Variants in CYSLTR1 observed in about 807,000 individuals in gnomAD.
CYSLTR1 encodes the protein cysteinyl leukotriene receptor 1, also known as G-protein coupled receptor HG55.
CYSLTR1 carries 1 observed loss-of-function variant against 2.1 expected under a neutral mutation model. That is an observed-to-expected ratio of 0.48 (90% CI 0.17 to 2.28). The LOEUF (loss-of-function observed/expected upper bound fraction) is 2.28. CYSLTR1 is among the 30% of genes most tolerant of loss of function. The pLI is 0.26. For missense variants in CYSLTR1, 299 were observed against 250.1 expected (o/e 1.20, Z -1.32); for synonymous variants, 110 against 89.6 (o/e 1.23, Z -1.28).
chrX:78,315,160 C>T (rs185187450), intron 1 of CYSLTR1, among the ~76,000 whole-genome samples: 5 of 108,300 alleles, frequency 4.6e-5, no homozygotes, highest in African/African-American at 6.7e-5. Flanking sequence ...TCTAGACATA[C>T]TCTGAAGGGA....
intron 1 of CYSLTR1, among the ~76,000 whole-genome samples, chrX:78,303,685 T>C (rs930824041): frequency 1.3e-4 from 15 of 112,092 alleles, no homozygotes; most frequent in Non-Finnish European, 2.6e-4. Context: ...ATTTAATTGA[T>C]GTCTTGTCAA....
At chrX:78,277,124 G>A (rs886480907) in intron 2 of CYSLTR1, among the ~76,000 whole-genome samples, 1 of 111,250 alleles carries the variant, frequency 9.0e-6, no homozygotes, top group African/African-American at 3.3e-5. Context: ...GTGGAGCATG[G>A]CCACGGTTAC....
intron 1 of CYSLTR1, among the ~76,000 whole-genome samples, chrX:78,317,774 G>T (rs146132925): frequency 8.9e-6 from 1 of 112,025 alleles, no homozygotes; most frequent in East Asian, 2.8e-4. Context: ...TGGGAGCTAA[G>T]CTATGAGGAT....
chrX:78,290,161 G>T (rs1922259057), intron 1 of CYSLTR1, among the ~76,000 whole-genome samples: 2 of 111,943 alleles, frequency 1.8e-5, no homozygotes, highest in Admixed American at 1.9e-4. Flanking sequence ...AAGGGATCCA[G>T]TTTCAGCTTT....
intron 1 of CYSLTR1, among the ~76,000 whole-genome samples, chrX:78,285,845 T>G (rs181300627): frequency 3.6e-5 from 4 of 112,071 alleles, no homozygotes; most frequent in Non-Finnish European, 7.5e-5. Context: ...CCTTGAGGAC[T>G]CTTGTCTCTG....
Position 78,309,177 on chromosome X carries a change from G to A in CYSLTR1, c.-115+18128C>T, listed in dbSNP as rs142740530. Among the ~76,000 whole-genome samples the A allele has an allele frequency of 4.0e-3, 441 of 111,254 alleles. 1 individual carries two copies. The highest frequency in any genetic ancestry group is 0.014 in the African/African-American group (425 of 30,661). On this transcript the variant is annotated intron_variant, in intron 1 of 2. Coordinates refer to ENST00000373304, the MANE Select transcript of CYSLTR1 (RefSeq NM_006639.4). ...AAGTAGAGCTAGAGAGAGAAGGCGG[G>A]AGAGAGAGAAGAAAAATTGGTATAA...
At chrX:78,300,445 G>C (rs770716285) in intron 1 of CYSLTR1, among the ~76,000 whole-genome samples, 1 of 112,733 alleles carries the variant, frequency 8.9e-6, no homozygotes, top group South Asian at 3.6e-4. Flanking sequence ...TCTTGGGAAG[G>C]CTTTCCAGAT....
intron 1 of CYSLTR1, 53 bp from the exon 2 acceptor site, chrX:78,283,593 G>A (rs1012025594): frequency 5.3e-5 from 6 of 112,208 alleles, no homozygotes; most frequent in African/African-American, 1.9e-4. Flanking sequence ...CAGTCCAGAA[G>A]GGTCATAAGA....
intron 1 of CYSLTR1, among the ~76,000 whole-genome samples, chrX:78,315,308 T>C (rs1453876132): frequency 9.1e-6 from 1 of 110,458 alleles, no homozygotes; most frequent in Non-Finnish European, 1.9e-5. Flanking sequence ...AGCTGCTGGC[T>C]TCAGGTGAAA....
chrX:78,290,449 T>A (rs1406191555), intron 1 of CYSLTR1, among the ~76,000 whole-genome samples: 1 of 112,117 alleles, frequency 8.9e-6, no homozygotes, highest in Non-Finnish European at 1.9e-5. Context: ...ATGCTGGCTC[T>A]TTTTTGGTTC....
At chrX:78,310,154 T>C (rs1213530407) in intron 1 of CYSLTR1, among the ~76,000 whole-genome samples, 1 of 111,615 alleles carries the variant, frequency 9.0e-6, no homozygotes, top group Admixed American at 9.5e-5. Context: ...CTCTCAGAGG[T>C]CTCCAGTGGC....
At chrX:78,277,664 T>C (rs1028166216) in intron 2 of CYSLTR1, among the ~76,000 whole-genome samples, 4 of 111,478 alleles carry the variant, frequency 3.6e-5, no homozygotes, top group African/African-American at 1.3e-4. Context: ...GTGGGCTGAA[T>C]CTCGGACCCC....
intron 1 of CYSLTR1, among the ~76,000 whole-genome samples, chrX:78,310,927 G>T (rs1375704084): frequency 9.1e-6 from 1 of 109,633 alleles, no homozygotes; most frequent in Non-Finnish European, 1.9e-5. Flanking sequence ...TGGACTATGG[G>T]GCTTAAAAGT....
At chrX:78,322,315 CTGAA>C (rs1483676516) in intron 1 of CYSLTR1, among the ~76,000 whole-genome samples, 1 of 112,132 alleles carries the variant, frequency 8.9e-6, no homozygotes, top group East Asian at 2.8e-4. Flanking sequence ...GAATCAATAT[CTGAA>C]TGAATAGGAG....
intron 1 of CYSLTR1, among the ~76,000 whole-genome samples, chrX:78,305,875 T>C (rs1275044356): frequency 8.9e-6 from 1 of 112,928 alleles, no homozygotes; most frequent in Non-Finnish European, 1.9e-5. Context: ...TCTTTGCTCA[T>C]TCATCTGCCA....
rs776161757 is a variant in CYSLTR1, at chrX:78,272,699, A to G, written c.*34T>C. 1.7e-5 allele frequency: 18 copies of G among 1,074,383 alleles called. No individual in the cohort carries two copies. Among genetic ancestry groups the G allele is most frequent in the African/African-American group, 7.5e-5 (4 of 53,169 alleles). 88.5% of individuals were successfully genotyped at this position (1,074,383 alleles called of 1,213,427 possible). ...TGACAAAATACTTATTTGGGAAACT[A>G]TTTTCATTGGTTTGGACTGGAAATG... On this transcript the variant is annotated 3_prime_UTR_variant, in exon 3 of 3. Coordinates refer to ENST00000373304, the MANE Select transcript of CYSLTR1 (RefSeq NM_006639.4).
At chrX:78,305,688 A>G (rs1477633094) in intron 1 of CYSLTR1, among the ~76,000 whole-genome samples, 2 of 112,339 alleles carry the variant, frequency 1.8e-5, no homozygotes, top group Admixed American at 1.9e-4. Flanking sequence ...GATTCTATAA[A>G]TTTGACTATT....
chrX:78,300,658 C>T (rs1922779959), intron 1 of CYSLTR1, among the ~76,000 whole-genome samples: 1 of 112,709 alleles, frequency 8.9e-6, no homozygotes, highest in Admixed American at 9.3e-5. Context: ...TGTGTTGCCA[C>T]CCAAATCTCA....
chrX:78,321,949 C>T (rs938343151), intron 1 of CYSLTR1, among the ~76,000 whole-genome samples: 3 of 111,425 alleles, frequency 2.7e-5, no homozygotes, highest in Non-Finnish European at 5.6e-5. Context: ...TGCTAGCATG[C>T]ACTGGAGAGT....
Sources: allele counts gnomAD v4.1 joint callset (sites outside exome capture counted in the v4.1 genomes callset), GRCh38; gene constraint gnomAD v4.1.1; transcripts MANE v1.5; gene names NCBI Gene and HGNC (gene_info 2026-07-23, HGNC 2026-07-21).